The following CELF2 variants were observed in gnomAD, a reference collection of about 807,000 sequenced individuals.
The protein encoded by CELF2 is CUG triplet repeat RNA-binding protein 2.
CELF2 carries 8 observed loss-of-function variants against 62.6 expected under a neutral mutation model. The observed-to-expected ratio is 0.13, with a 90% CI of 0.07 to 0.23. The LOEUF (loss-of-function observed/expected upper bound fraction) is 0.23, where lower values mean the gene tolerates loss of function less well. Ranked by LOEUF, CELF2 falls within the 10% of genes least tolerant of loss-of-function variation. The pLI is 1.00. For missense variants in CELF2, 333 were observed against 671.0 expected, an observed-to-expected ratio of 0.50 and a Z score of 5.56; for synonymous variants, 258 against 250.0, an observed-to-expected ratio of 1.03 and a Z score of -0.30.
chr10:10,857,682 T>TATATATATATATATATATATATA (rs59587498), intron 1 of CELF2, among the ~76,000 whole-genome samples: 4 of 135,718 alleles, frequency 2.9e-5, no homozygotes, highest in African/African-American at 5.5e-5. Flanking sequence ...TATATATATA[T>TATATATATATATATATATATATA]TTTACCTCAA....
At chr10:11,045,482 A>T (rs2062649842) in intron 1 of CELF2, among the ~76,000 whole-genome samples, 2 of 152,224 alleles carry the variant, frequency 1.3e-5, no homozygotes, top group South Asian at 4.1e-4. Flanking sequence ...ATGGGTGAAT[A>T]ACTGTAGCTA....
chr10:10,631,556 C>T, the CELF2 span, among the ~76,000 whole-genome samples: 7 of 152,272 alleles, frequency 4.6e-5, no homozygotes, highest in Admixed American at 2.6e-4. Context: ...ACACTACTTC[C>T]GGTGCTTAAG....
At chr10:11,017,844 A>T, upstream of CELF2, 2 of 608,808 alleles carry the variant, frequency 3.3e-6, no homozygotes, top group Non-Finnish European at 4.1e-6. This position sits in a 1 kb window ranked among gnomAD's most constrained non-coding sequence, Gnocchi z 5.5. Context: ...CGCAGGGGTT[A>T]AGCGGCGGCG....
the CELF2 span, among the ~76,000 whole-genome samples, chr10:10,602,020 G>A: frequency 2.0e-5 from 3 of 152,010 alleles, no homozygotes; most frequent in Admixed American, 6.6e-5. Context: ...TTAGTTTGCT[G>A]AGGATAATGG....
At chr10:10,671,624 A>G in the CELF2 span, among the ~76,000 whole-genome samples, 1 of 152,084 alleles carries the variant, frequency 6.6e-6, no homozygotes, top group Non-Finnish European at 1.5e-5. Context: ...GATTTTGGCC[A>G]TTCTAATAGG....
the CELF2 span, among the ~76,000 whole-genome samples, chr10:10,763,618 T>C: frequency 2.0e-4 from 30 of 152,344 alleles, no homozygotes; most frequent in African/African-American, 7.2e-4. Flanking sequence ...TTTTGTGGCT[T>C]GTTTTTGCAA....
chr10:10,992,859 C>G (rs2053576374), intron 2 of CELF2, among the ~76,000 whole-genome samples: 1 of 152,126 alleles, frequency 6.6e-6, no homozygotes, highest in South Asian at 2.1e-4. Flanking sequence ...ACATCTGGTG[C>G]TGGAACTTGA....
At chr10:10,586,926 G>A in the CELF2 span, among the ~76,000 whole-genome samples, 2 of 152,254 alleles carry the variant, frequency 1.3e-5, no homozygotes, top group African/African-American at 4.8e-5. Context: ...TGCTCTGAAT[G>A]TCTAAGACCT....
chr10:10,499,805 G>C, the CELF2 span, among the ~76,000 whole-genome samples: 3 of 152,206 alleles, frequency 2.0e-5, no homozygotes, highest in Non-Finnish European at 1.5e-5. Flanking sequence ...TTGAACCTGG[G>C]AGATGGAGGT....
At chr10:10,646,670 T>C in the CELF2 span, among the ~76,000 whole-genome samples, 1 of 152,228 alleles carries the variant, frequency 6.6e-6, no homozygotes, top group Non-Finnish European at 1.5e-5. Flanking sequence ...TTTTGTTTCA[T>C]GGAATATTTA....
chr10:10,487,513 G>A, the CELF2 span, among the ~76,000 whole-genome samples: 1 of 152,112 alleles, frequency 6.6e-6, no homozygotes, highest in Non-Finnish European at 1.5e-5. Flanking sequence ...ACTGTGGATA[G>A]TTTTACCCTG....
At chr10:10,951,156 T>C (rs1203910229) in intron 2 of CELF2, among the ~76,000 whole-genome samples, 1 of 152,204 alleles carries the variant, frequency 6.6e-6, no homozygotes, top group East Asian at 1.9e-4. Context: ...TCCTCCTTTT[T>C]CTTTTCTTTT....
intron 1 of CELF2, among the ~76,000 whole-genome samples, chr10:11,152,899 G>C (rs1176306975): frequency 1.3e-5 from 2 of 152,216 alleles, no homozygotes; most frequent in South Asian, 2.1e-4. Context: ...CGAGGGAGGT[G>C]GTGGGCTCCA....
At chr10:10,989,692 T>G (rs2136644372) in intron 2 of CELF2, among the ~76,000 whole-genome samples, 1 of 152,178 alleles carries the variant, frequency 6.6e-6, no homozygotes, top group South Asian at 2.1e-4. Flanking sequence ...GTTTGTAAAT[T>G]CAGACCAAAA....
chr10:11,013,846 T>C (rs142675069), upstream of CELF2, among the ~76,000 whole-genome samples: 1 of 152,376 alleles, frequency 6.6e-6, no homozygotes, highest in East Asian at 1.9e-4. This position sits in a 1 kb window ranked among gnomAD's most constrained non-coding sequence, Gnocchi z 4.1. Flanking sequence ...CAAGAAGAGA[T>C]AGGCTTACAA....
At chr10:10,535,538 T>C in the CELF2 span, among the ~76,000 whole-genome samples, 1 of 152,008 alleles carries the variant, frequency 6.6e-6, no homozygotes, top group African/African-American at 2.4e-5. Flanking sequence ...GCCAAGATGG[T>C]GAAACCCCAT....
At chr10:10,721,655 C>T in the CELF2 span, among the ~76,000 whole-genome samples, 1 of 152,194 alleles carries the variant, frequency 6.6e-6, no homozygotes, top group Non-Finnish European at 1.5e-5. Flanking sequence ...GGACTATAGA[C>T]ATATCACCTT....
rs754913658 is a variant in CELF2 at position 11,290,106 on chromosome 10, A to G, written c.976+1554A>G. 5.9e-5 allele frequency among the ~76,000 whole-genome samples: 9 copies of G among 152,188 alleles called. No homozygotes were observed. Among genetic ancestry groups the G allele is most frequent in the Non-Finnish European group, 1.3e-4 (9 of 68,040 alleles). On this transcript the variant is annotated intron_variant, in intron 9 of 12. Transcript: ENST00000633077. This position sits in a 1 kb window ranked among gnomAD's most constrained non-coding sequence, Gnocchi z 4.3. ...CAGCTGTCGGCTGATTGGTGTAGCT[A>G]AGATAACTCAAAAATCATATCCCAA...
the CELF2 span, among the ~76,000 whole-genome samples, chr10:10,554,392 T>A: frequency 6.6e-6 from 1 of 152,156 alleles, no homozygotes; most frequent in African/African-American, 2.4e-5. Context: ...TCTGATTGTG[T>A]CCTTCTGTTC....
Sources: allele counts gnomAD v4.1 joint callset (sites outside exome capture counted in the v4.1 genomes callset), GRCh38; gene constraint gnomAD v4.1.1; non-coding constraint Gnocchi (gnomAD v3.1); transcripts MANE v1.5; gene names NCBI Gene and HGNC (gene_info 2026-07-23, HGNC 2026-07-21).